Variants in SEC31B observed in about 807,000 individuals in gnomAD.
The protein encoded by SEC31B is protein transport protein Sec31B.
Under a neutral mutation model 135.0 loss-of-function variants are expected in SEC31B, and 113 were observed. The observed-to-expected ratio is 0.84, with a 90% CI of 0.72 to 0.98. The LOEUF (loss-of-function observed/expected upper bound fraction) is 0.98. Ranked by LOEUF, SEC31B falls within the 50% of genes least tolerant of loss-of-function variation. The pLI, the probability that SEC31B is intolerant of heterozygous loss-of-function variation, is 0.00. For missense variants in SEC31B, 1,296 were observed against 1,421.1 expected (o/e 0.91, Z 1.42); for synonymous variants, 508 against 549.4 (o/e 0.92, Z 1.05).
chr10:100,505,219 G>T, intron 10 of SEC31B, 142 bp downstream of exon 10: 1 of 1,013,216 alleles, frequency 9.9e-7, no homozygotes, highest in African/African-American at 1.7e-5. Flanking sequence ...GGTAAAGTGG[G>T]ATCCATTCTG....
At chr10:100,504,571 A>C (rs1235571630) in intron 10 of SEC31B, among the ~76,000 whole-genome samples, 1 of 152,188 alleles carries the variant, frequency 6.6e-6, no homozygotes, top group Non-Finnish European at 1.5e-5. Flanking sequence ...GGGATATAAA[A>C]ATCAGCAAGA....
intron 2 of SEC31B, 37 bp from the exon 3 acceptor site, chr10:100,516,256 TATG>T: frequency 1.2e-6 from 2 of 1,606,652 alleles, no homozygotes; most frequent in Non-Finnish European, 1.7e-6. Context: ...AGCAACAATA[TATG>T]CATGGATTTC....
At chr10:100,488,531 G>A (rs1353199258) in intron 24 of SEC31B, among the ~76,000 whole-genome samples, 1 of 151,894 alleles carries the variant, frequency 6.6e-6, no homozygotes, top group East Asian at 1.9e-4. Flanking sequence ...AGGGAATGAA[G>A]GCCCAAGAAG....
intron 7 of SEC31B, 43 bp downstream of exon 7, chr10:100,507,382 T>G (rs1589738422): frequency 1.9e-6 from 3 of 1,613,354 alleles, no homozygotes; most frequent in African/African-American, 2.7e-5. Flanking sequence ...CCCAGTTATA[T>G]CCACCATCCC....
chr10:100,515,429 T>C (rs936907913), intron 3 of SEC31B, among the ~76,000 whole-genome samples: 2 of 152,242 alleles, frequency 1.3e-5, no homozygotes, highest in African/African-American at 4.8e-5. Context: ...GCCTCAACTT[T>C]ACAAGACCTT....
chr10:100,499,292 A>G (rs1429895507), intron 12 of SEC31B, 34 bp from the exon 13 acceptor site: 2 of 1,515,632 alleles, frequency 1.3e-6, no homozygotes, highest in Non-Finnish European at 1.8e-6. Context: ...CCGCTCTTTC[A>G]AGCGTAAGAT....
At chr10:100,517,449 C>T (rs1352698095) in intron 1 of SEC31B, among the ~76,000 whole-genome samples, 1 of 152,204 alleles carries the variant, frequency 6.6e-6, no homozygotes, top group Non-Finnish European at 1.5e-5. Flanking sequence ...GCAACCCCTG[C>T]CTCCTGGGTT....
rs986504854 is a variant in SEC31B, at chr10:100,488,103, A to G, written c.3289-5T>C. On this transcript the variant is annotated splice_region_variant and splice_polypyrimidine_tract_variant and intron_variant, in intron 24 of 25. Coordinates refer to ENST00000370345, the MANE Select transcript of SEC31B (RefSeq NM_015490.4). Reference sequence around the variant, plus strand: ...TTCCAGCTTCCTTTTTGTCTTCTGCAGGGAAAGAAATGGATTCCAACCCCA... The same window carrying G: ...TTCCAGCTTCCTTTTTGTCTTCTGCGGGGAAAGAAATGGATTCCAACCCCA... 2.5e-6 allele frequency: 4 copies of G among 1,613,732 alleles called. No homozygotes were observed. Among genetic ancestry groups the G allele is most frequent in the African/African-American group, 2.7e-5 (2 of 74,900 alleles).
rs957617096 is a variant in SEC31B, at chr10:100,489,600, G to A, written c.3024+103C>T. The A allele has an allele frequency of 6.6e-5, 101 of 1,534,328 alleles. 1 individual carries two copies. The highest frequency in any genetic ancestry group is 1.5e-4 in the African/African-American group (11 of 72,988). The stretch of plus-strand genomic sequence containing the variant: ...AAAGAAGAGTAAGTGGGAGGAGGGC[G>A]GGGACAGTCTGAGAAGGGGAAGGAC... On this transcript the variant is annotated intron_variant, in intron 22 of 25. Coordinates refer to ENST00000370345, the MANE Select transcript of SEC31B (RefSeq NM_015490.4).
chr10:100,494,069 A>G (rs971973040), intron 19 of SEC31B, among the ~76,000 whole-genome samples: 1 of 151,176 alleles, frequency 6.6e-6, no homozygotes, highest in Non-Finnish European at 1.5e-5. Context: ...TGAAGGTGGG[A>G]CAAGATGAGC....
intron 7 of SEC31B, among the ~76,000 whole-genome samples, chr10:100,507,100 G>A (rs1851646944): frequency 6.6e-6 from 1 of 152,194 alleles, no homozygotes; most frequent in Non-Finnish European, 1.5e-5. Context: ...TCCTGGAGGA[G>A]GCAAGCTCAT....
intron 22 of SEC31B, 62 bp from the exon 23 acceptor site, chr10:100,489,460 G>C: frequency 6.3e-7 from 1 of 1,576,796 alleles, no homozygotes; most frequent in Admixed American, 1.9e-5. Context: ...CTGGTTTTGG[G>C]GAGTGGCAGG....
Position 100,497,180 on chromosome 10 carries a change from C to T in SEC31B, c.2091G>A (p.Glu697=). The T allele has an allele frequency of 6.2e-7, 1 of 1,614,154 alleles. No homozygotes were observed. Among genetic ancestry groups the T allele is most frequent in the Non-Finnish European group, 8.5e-7 (1 of 1,180,016 alleles). ...AAGCCTGGTGGCATTTTGCCCAGCA[C>T]TCCACCAGCCGCTCCACACTCCCTG... ...VCSGSVERLV[E]CWAKCHQALS... is the part of the protein sequence containing the mutation. Residue 697 remains glutamate, a synonymous_variant, in exon 17 of 26, where the codon GAG becomes GAA. Coordinates refer to ENST00000370345, the MANE Select transcript of SEC31B (RefSeq NM_015490.4).
intron 10 of SEC31B, among the ~76,000 whole-genome samples, chr10:100,503,172 C>T (rs1851554695): frequency 6.6e-6 from 1 of 152,158 alleles, no homozygotes; most frequent in South Asian, 2.1e-4. Context: ...TGTGCCTTTA[C>T]CCACAACACC....
chr10:100,515,198 G>A (rs1256156541), intron 3 of SEC31B, among the ~76,000 whole-genome samples: 4 of 151,944 alleles, frequency 2.6e-5, no homozygotes, highest in Admixed American at 6.6e-5. Flanking sequence ...GGGCTGAGGC[G>A]GGAGGATTGC....
intron 19 of SEC31B, among the ~76,000 whole-genome samples, chr10:100,492,765 C>A (rs1261855214): frequency 2.0e-5 from 3 of 152,078 alleles, no homozygotes; most frequent in Non-Finnish European, 4.4e-5. Flanking sequence ...TATATACTCA[C>A]AATGAACAAG....
chr10:100,502,202 G>T, intron 11 of SEC31B, 52 bp downstream of exon 11: 1 of 1,441,286 alleles, frequency 6.9e-7, no homozygotes, highest in Non-Finnish European at 9.6e-7. Context: ...AGAGGTTGGA[G>T]TTCCAGGCTT....
Position 100,502,223 on chromosome 10 carries a change from C to T in SEC31B, c.1410+31G>A, listed in dbSNP as rs375919394. The T allele has an allele frequency of 3.2e-6, 5 of 1,576,452 alleles. No individual in the cohort carries two copies. The Admixed American group carries it at 6.7e-5, about 21-fold the overall frequency. On this transcript the variant is annotated intron_variant, in intron 11 of 25. Coordinates refer to ENST00000370345, the MANE Select transcript of SEC31B (RefSeq NM_015490.4). ...TGGAGTTCCAGGCTTTGGGGAGACA[C>T]TTCTGAGCAGCTAGCCTTCAGGCTT...
intron 10 of SEC31B, 48 bp downstream of exon 10, chr10:100,505,313 C>T (rs755969519): frequency 1.3e-6 from 2 of 1,598,266 alleles, no homozygotes; most frequent in Non-Finnish European, 1.7e-6. Flanking sequence ...CACACACACA[C>T]ACACACACAC....
Sources: allele counts gnomAD v4.1 joint callset (sites outside exome capture counted in the v4.1 genomes callset), GRCh38; gene constraint gnomAD v4.1.1; transcripts MANE v1.5; gene names NCBI Gene and HGNC (gene_info 2026-07-23, HGNC 2026-07-21).